AKT3: variants seen among roughly 807,000 people sequenced by gnomAD.
AKT3 encodes RAC-gamma serine/threonine-protein kinase.
AKT3 carries 15 observed loss-of-function variants against 65.3 expected under a neutral mutation model. That is an observed-to-expected ratio of 0.23 (90% CI 0.15 to 0.35). AKT3 has a LOEUF of 0.35. AKT3 is among the 10% of genes least tolerant of loss of function. The probability of loss-of-function intolerance (pLI) is 1.00; values close to 1 mark genes in which losing one functional copy is unlikely to be tolerated. For missense variants in AKT3, 243 were observed against 576.5 expected, an observed-to-expected ratio of 0.42 and a Z score of 5.92; for synonymous variants, 206 against 183.8, an observed-to-expected ratio of 1.12 and a Z score of -0.98.
chr1:243,667,104 C>T (rs1682840584), intron 3 of AKT3, among the ~76,000 whole-genome samples: 1 of 152,160 alleles, frequency 6.6e-6, no homozygotes, highest in African/African-American at 2.4e-5. Flanking sequence ...TGAGTGTGTA[C>T]TGCTGTCAGG....
At chr1:243,520,431 G>A (rs1400295485) in intron 12 of AKT3, among the ~76,000 whole-genome samples, 1 of 152,144 alleles carries the variant, frequency 6.6e-6, no homozygotes, top group Non-Finnish European at 1.5e-5. Context: ...AGCAGCCCTA[G>A]CACATAAATA....
In AKT3 at chr1:243,563,774, T is replaced by G. The variant is rs763427068; in HGVS notation, c.894A>C (p.Thr298=). Residue 298 remains threonine, a synonymous_variant, in exon 10 of 14, where the codon ACA becomes ACC. Coordinates refer to ENST00000673466, the MANE Select transcript of AKT3 (RefSeq NM_005465.7). ...TDFGLCKEGI[T]DAATMKTFCG... ...AGAATGTCTTCATGGTGGCTGCATC[T>G]GTGATCCCTTCTTTGCAAAGTCCAA... 16 of 1,613,184 alleles carry G rather than the reference T, an allele frequency of 9.9e-6. No individual in the cohort carries two copies. The highest frequency in any genetic ancestry group is 1.3e-5 in the Non-Finnish European group (15 of 1,179,702).
intron 2 of AKT3, among the ~76,000 whole-genome samples, chr1:243,801,791 C>A (rs1256746095): frequency 6.6e-6 from 1 of 152,166 alleles, no homozygotes; most frequent in Non-Finnish European, 1.5e-5. Flanking sequence ...TAGTAGTGAC[C>A]TGCAAAAATT....
At position 243,634,313 on chromosome 1, in the gene AKT3, G is replaced by A. The variant is rs573737558; in HGVS notation, c.561+3298C>T. Reference sequence around the variant, plus strand: ...CCACATTGGTTGAATCCATGGATATGGAATACAGAGAGCCAACTGCATATA... The same window carrying A: ...CCACATTGGTTGAATCCATGGATATAGAATACAGAGAGCCAACTGCATATA... On this transcript the variant is annotated intron_variant, in intron 6 of 13. Coordinates refer to ENST00000673466, the MANE Select transcript of AKT3 (RefSeq NM_005465.7). Among the ~76,000 whole-genome samples the A allele has an allele frequency of 2.1e-3, 316 of 151,950 alleles. 3 individuals are homozygous for A. The highest frequency in any genetic ancestry group is 6.8e-3 in the African/African-American group (284 of 41,464).
intron 3 of AKT3, among the ~76,000 whole-genome samples, chr1:243,680,833 T>C (rs1229106293): frequency 6.6e-6 from 1 of 152,194 alleles, no homozygotes; most frequent in African/African-American, 2.4e-5. Context: ...GTGAATCATC[T>C]ACATTAAGCT....
intron 8 of AKT3, among the ~76,000 whole-genome samples, chr1:243,600,019 A>G (rs1414583731): frequency 1.3e-5 from 2 of 152,096 alleles, no homozygotes. Context: ...ATCAACTACA[A>G]ATTGAAATTT....
chr1:243,790,906 C>T (rs773096093), intron 2 of AKT3, among the ~76,000 whole-genome samples: 2 of 152,132 alleles, frequency 1.3e-5, no homozygotes, highest in Non-Finnish European at 2.9e-5. Flanking sequence ...GGTAATGGTT[C>T]GTGGTGCCCC....
chr1:243,508,179 G>A (rs1669788829), intron 13 of AKT3, among the ~76,000 whole-genome samples: 2 of 152,198 alleles, frequency 1.3e-5, no homozygotes. Context: ...ACCGTTCAAG[G>A]TTTCAGTGAT....
chr1:243,693,715 T>C (rs1295300987), intron 3 of AKT3, among the ~76,000 whole-genome samples: 1 of 152,190 alleles, frequency 6.6e-6, no homozygotes, highest in Non-Finnish European at 1.5e-5. Context: ...CTAGTATCCA[T>C]TTCAGTAGAC....
intron 2 of AKT3, among the ~76,000 whole-genome samples, chr1:243,699,533 C>T (rs1685307054): frequency 7.5e-6 from 1 of 133,192 alleles, no homozygotes; most frequent in African/African-American, 3.1e-5. Flanking sequence ...GGTGCTTCCA[C>T]TTCTTTCTCA....
intron 2 of AKT3, among the ~76,000 whole-genome samples, chr1:243,699,129 T>G (rs1340386455): frequency 1.3e-5 from 2 of 152,030 alleles, no homozygotes; most frequent in African/African-American, 4.8e-5. Flanking sequence ...CAAAGTACAC[T>G]CCCTGCCACC....
chr1:243,498,455 G>A (rs1470967234), downstream of AKT3, among the ~76,000 whole-genome samples: 2 of 152,150 alleles, frequency 1.3e-5, no homozygotes, highest in East Asian at 1.9e-4. Flanking sequence ...GGTTTACGAG[G>A]AGGAGTGAGG....
At chr1:243,781,360 G>C (rs956391658) in intron 2 of AKT3, among the ~76,000 whole-genome samples, 1 of 151,950 alleles carries the variant, frequency 6.6e-6, no homozygotes, top group African/African-American at 2.4e-5. Flanking sequence ...TGTAAAAATG[G>C]GGAAGCGTTG....
At chr1:243,599,384 T>C (rs1445372148) in intron 8 of AKT3, among the ~76,000 whole-genome samples, 28 of 152,184 alleles carry the variant, frequency 1.8e-4, no homozygotes, top group Admixed American at 1.4e-3. Flanking sequence ...AACAGTGTAT[T>C]GTAAAGGTTA....
intron 11 of AKT3, chr1:243,547,990 C>G (rs773973992): frequency 1.3e-5 from 2 of 152,214 alleles, no homozygotes; most frequent in South Asian, 4.1e-4. Flanking sequence ...GCATTTCAGA[C>G]CCTGCCCTCT....
intron 2 of AKT3, among the ~76,000 whole-genome samples, chr1:243,699,831 C>G: frequency 6.6e-6 from 1 of 151,862 alleles, no homozygotes; most frequent in Non-Finnish European, 1.5e-5. Context: ...AATCCAATTA[C>G]AAATGTCCTT....
chr1:243,823,761 CACAA>C (rs1693994200), intron 2 of AKT3, among the ~76,000 whole-genome samples: 1 of 151,912 alleles, frequency 6.6e-6, no homozygotes, highest in Non-Finnish European at 1.5e-5. Flanking sequence ...TCAGAGAGGA[CACAA>C]ACAAATGGAA....
At chr1:243,831,973 C>A (rs1378648829) in intron 2 of AKT3, among the ~76,000 whole-genome samples, 1 of 151,582 alleles carries the variant, frequency 6.6e-6, no homozygotes, top group Non-Finnish European at 1.5e-5. Flanking sequence ...TGAAATCTGT[C>A]AGATGAATGG....
intron 12 of AKT3, among the ~76,000 whole-genome samples, chr1:243,535,779 G>T (rs1244381280): frequency 6.6e-6 from 1 of 152,200 alleles, no homozygotes; most frequent in Non-Finnish European, 1.5e-5. Context: ...TCTACTAGTA[G>T]TTCTTTGAGA....
Sources: gnomAD v4.1 joint callset for allele counts (sites outside exome capture counted in the v4.1 genomes callset) on GRCh38, gnomAD v4.1.1 for gene constraint, MANE v1.5 for transcripts, NCBI Gene and HGNC (gene_info 2026-07-23, HGNC 2026-07-21) for gene names.